SMARCA5: variants seen among roughly 807,000 people sequenced by gnomAD.
SMARCA5 encodes the protein SWI/SNF-related matrix-associated actin-dependent regulator of chromatin subfamily A member 5.
A neutral mutation model predicts 140.4 loss-of-function variants in SMARCA5; 18 were observed. The observed-to-expected ratio is 0.13, with a 90% CI of 0.09 to 0.19. The LOEUF (loss-of-function observed/expected upper bound fraction) is 0.19, where lower values mean the gene tolerates loss of function less well. SMARCA5 is among the 10% of genes least tolerant of loss of function. SMARCA5 has a pLI of 1.00. For missense variants in SMARCA5, 606 were observed against 1,276.8 expected, an observed-to-expected ratio of 0.47 and a Z score of 8.01; for synonymous variants, 449 against 419.6, an observed-to-expected ratio of 1.07 and a Z score of -0.86.
In SMARCA5 at chr4:143,556,050, TCAAA is replaced by T. The variant is rs1351612962; in HGVS notation, c.*2867_*2870del. ...TAGAGTACAAGTTGAGCATCCCTAA[TCAAA>T]AAATCTAAAATCAGAAATGCTCCAT... On this transcript the variant is annotated 3_prime_UTR_variant, in exon 24 of 24. Transcript: ENST00000283131. 1.3e-5 allele frequency: 2 copies of T among 152,144 alleles called. No homozygotes were observed. The highest frequency in any genetic ancestry group is 2.9e-5 in the Non-Finnish European group (2 of 68,038). The allele number at this position is 152,144 out of a possible 1,614,324, so 9.4% of individuals were successfully genotyped here.
chr4:143,514,325 T>A (rs1736776678), intron 1 of SMARCA5: 2 of 501,398 alleles, frequency 4.0e-6, no homozygotes, highest in South Asian at 6.2e-5. Flanking sequence ...AAATTATTTG[T>A]CTCTTTCGTG....
intron 3 of SMARCA5, among the ~76,000 whole-genome samples, chr4:143,523,267 T>C (rs1216921921): frequency 6.6e-6 from 1 of 152,098 alleles, no homozygotes; most frequent in Non-Finnish European, 1.5e-5. Flanking sequence ...CCTCAAGTGA[T>C]CCACCCACCT....
chr4:143,513,767 C>T lies in SMARCA5; in HGVS notation c.-158C>T. ...GGGAGTGTGCAGCTCCTGGGCCCGG[C>T]TCAGGCCCGTCGCGGAGGCGCGGCG... On this transcript the variant is annotated 5_prime_UTR_variant, in exon 1 of 24. Coordinates refer to ENST00000283131, the MANE Select transcript of SMARCA5 (RefSeq NM_003601.4). The T allele has an allele frequency of 5.0e-6, 4 of 797,202 alleles. No individual in the cohort carries two copies. Among genetic ancestry groups the T allele is most frequent in the Non-Finnish European group, 5.9e-6 (3 of 511,848 alleles). 49.4% of individuals were successfully genotyped at this position (797,202 alleles called of 1,614,324 possible).
chr4:143,539,022 A>C, intron 13 of SMARCA5, 84 bp downstream of exon 13: 1 of 1,176,172 alleles, frequency 8.5e-7, no homozygotes, highest in South Asian at 1.4e-5. Context: ...TCAGTGACTT[A>C]ACCCAATAGA....
intron 3 of SMARCA5, among the ~76,000 whole-genome samples, chr4:143,522,594 TTCTC>T (rs1394211707): frequency 6.6e-6 from 1 of 152,158 alleles, no homozygotes; most frequent in Non-Finnish European, 1.5e-5. Context: ...TATATCTTAT[TTCTC>T]ATCCATTGTG....
At chr4:143,516,210 T>G in intron 1 of SMARCA5, among the ~76,000 whole-genome samples, 1 of 149,734 alleles carries the variant, frequency 6.7e-6, no homozygotes, top group Non-Finnish European at 1.5e-5. Context: ...CATGAATTTT[T>G]TTTTTTTTTT....
intron 4 of SMARCA5, among the ~76,000 whole-genome samples, chr4:143,525,042 T>C (rs1737038299): frequency 7.1e-6 from 1 of 140,310 alleles, no homozygotes; most frequent in Non-Finnish European, 1.5e-5. Context: ...GAATTTCCTA[T>C]TTCTTTTTTT....
rs181817955 is a variant in SMARCA5 at position 143,544,094 on chromosome 4, A to C, written c.2172+122A>C. On this transcript the variant is annotated intron_variant, in intron 16 of 23. Transcript: ENST00000283131. ...ACAGTAGTCATTTTTGCTTATTCACATCTGAATATTTTCATCATTATGTAA... is the reference window on the plus strand; with the variant it reads ...ACAGTAGTCATTTTTGCTTATTCACCTCTGAATATTTTCATCATTATGTAA... 2.5e-3 allele frequency: 1,406 copies of C among 567,854 alleles called. 2 individuals carry two copies. Among genetic ancestry groups the C allele is most frequent in the Middle Eastern group, 3.1e-3 (6 of 1,938 alleles). The allele number at this position is 567,854 out of a possible 1,614,324, so 35.2% of individuals were successfully genotyped here. A position where few individuals can be genotyped will look rare whatever the true frequency, so the allele number is the denominator to read the frequency against.
chr4:143,519,974 C>T (rs754214402), intron 2 of SMARCA5, among the ~76,000 whole-genome samples: 3 of 152,106 alleles, frequency 2.0e-5, no homozygotes, highest in Non-Finnish European at 2.9e-5. Context: ...TATCCTACCT[C>T]ATTTCTTCCT....
rs747160151 is a variant in SMARCA5, at chr4:143,530,566, G to T, written c.1158+40G>T. On this transcript the variant is annotated intron_variant, in intron 9 of 23. Coordinates refer to ENST00000283131, the MANE Select transcript of SMARCA5 (RefSeq NM_003601.4). ...GTAGTGTTAAAGCATATTTATGATG[G>T]GAAAAAGGATAAAGGTTTAAATTAG... 10 of 1,337,326 alleles carry T rather than the reference G, an allele frequency of 7.5e-6. No individual in the cohort carries two copies. The Admixed American group carries it at 1.9e-4, about 25-fold the overall frequency. The allele number at this position is 1,337,326 out of a possible 1,614,324, so 82.8% of individuals were successfully genotyped here.
At chr4:143,514,194 TTCTC>T (rs1325415333) in intron 1 of SMARCA5, 93 bp downstream of exon 1, 14 of 1,190,856 alleles carry the variant, frequency 1.2e-5, no homozygotes, top group Non-Finnish European at 1.6e-5. Flanking sequence ...AGAGCCGGGT[TTCTC>T]TCTCTGCACC....
In SMARCA5 at chr4:143,538,872, T is replaced by A; in HGVS notation, c.1704T>A (p.Leu568=). ...STRAGGLGIN[L]ATADVVILYD... ...GTGCTGGTGGTCTTGGCATCAATCTTGCGACTGCTGATGTAGTAATTTTGT... is the reference window on the plus strand; with the variant it reads ...GTGCTGGTGGTCTTGGCATCAATCTAGCGACTGCTGATGTAGTAATTTTGT... Residue 568 remains leucine (L), a synonymous_variant, in exon 13 of 24, where the codon CTT becomes CTA. Transcript: ENST00000283131. The A allele has an allele frequency of 1.2e-6, 2 of 1,614,100 alleles. No homozygotes were observed. Among genetic ancestry groups the A allele is most frequent in the African/African-American group, 2.7e-5 (2 of 75,046 alleles).
In SMARCA5 at chr4:143,554,475, A is replaced by G. The variant is rs1463063892; in HGVS notation, c.*1291A>G. 2.1e-5 allele frequency: 3 copies of G among 142,698 alleles called. No individual in the cohort carries two copies. The East Asian group carries it at 9.2e-4, about 44-fold the overall frequency. The allele number at this position is 142,698 out of a possible 1,614,324, so 8.8% of individuals were successfully genotyped here. ...TTGGATATCTTTCCCTTAAATTTCT[A>G]TTAGTAGTTGTTTTCATCTGCCCAC... is the stretch of plus-strand genomic sequence containing the variant. On this transcript the variant is annotated 3_prime_UTR_variant, in exon 24 of 24. Coordinates refer to ENST00000283131, the MANE Select transcript of SMARCA5 (RefSeq NM_003601.4).
chr4:143,555,139 ACTG>A lies in SMARCA5; in HGVS notation c.*1958_*1960del, dbSNP rs1737721911. On this transcript the variant is annotated 3_prime_UTR_variant, in exon 24 of 24. Transcript: ENST00000283131. ...TGCTACTGGAACTGCCTTAACCACT[ACTG>A]CTACTGGAACTGCCTTAGCCACCTT... 1.4e-6 allele frequency: 1 copy of A among 701,412 alleles called. No homozygotes were observed. The highest frequency in any genetic ancestry group is 4.1e-4 in the Middle Eastern group (1 of 2,458). 43.4% of individuals were successfully genotyped at this position (701,412 alleles called of 1,614,324 possible). A position where few individuals can be genotyped will look rare whatever the true frequency, so the allele number is the denominator to read the frequency against.
chr4:143,543,670 TTAAA>T lies in SMARCA5; in HGVS notation c.2052+17_2052+20del, dbSNP rs780100449. The T allele has an allele frequency of 8.1e-6, 13 of 1,602,754 alleles. No individual in the cohort carries two copies. Among genetic ancestry groups the T allele is most frequent in the Non-Finnish European group, 1.1e-5 (13 of 1,171,364 alleles). ...AGGTGCAAAGAAGGTGAGATGTAGA[TTAAA>T]TAATGCTTTTAATATAGAATGTTTT... On this transcript the variant is annotated intron_variant, in intron 15 of 23. Coordinates refer to ENST00000283131, the MANE Select transcript of SMARCA5 (RefSeq NM_003601.4).
Position 143,517,359 on chromosome 4 carries a change from T to G in SMARCA5, c.182T>G (p.Ile61Arg). ...AGPADAEMEE[I>R]FDDASPGKQK... ...TTAATTATTTCTTTCTACCAGGAAA[T>G]ATTTGATGATGCGTCACCTGGAAAG... The change falls in exon 2 of 24, where the codon ATA (isoleucine) becomes AGA (arginine). Residue 61 changes from isoleucine (I) to arginine (R), a missense_variant. Physicochemically the swap from Ile to Arg is moderately conservative, Grantham distance 97. Coordinates refer to ENST00000283131, the MANE Select transcript of SMARCA5 (RefSeq NM_003601.4). The G allele has an allele frequency of 6.2e-7, 1 of 1,604,258 alleles. No individual in the cohort carries two copies. The highest frequency in any genetic ancestry group is 8.5e-7 in the Non-Finnish European group (1 of 1,174,948).
intron 23 of SMARCA5, among the ~76,000 whole-genome samples, chr4:143,550,931 G>A: frequency 6.6e-6 from 1 of 152,012 alleles, no homozygotes; most frequent in Non-Finnish European, 1.5e-5. Flanking sequence ...TTTCTTTTGG[G>A]TGTAAACCTA....
chr4:143,519,898 C>A (rs1277660921), intron 2 of SMARCA5, among the ~76,000 whole-genome samples: 1 of 152,122 alleles, frequency 6.6e-6, no homozygotes, highest in African/African-American at 2.4e-5. Flanking sequence ...TCCAATCTTC[C>A]TCCACAAAGA....
intron 8 of SMARCA5, 152 bp from the exon 9 acceptor site, chr4:143,530,306 T>C (rs1737159654): frequency 2.3e-6 from 1 of 433,182 alleles, no homozygotes; most frequent in African/African-American, 2.0e-5. Flanking sequence ...TTAGTAACAA[T>C]GACACATGAA....
Sources: allele counts gnomAD v4.1 joint callset (sites outside exome capture counted in the v4.1 genomes callset), GRCh38; gene constraint gnomAD v4.1.1; transcripts MANE v1.5; gene names NCBI Gene and HGNC (gene_info 2026-07-23, HGNC 2026-07-21).